The following VLDLR variants were observed in gnomAD, a reference collection of about 807,000 sequenced individuals.
The protein encoded by VLDLR is very low density lipoprotein receptor.
VLDLR carries 81 observed loss-of-function variants against 112.7 expected under a neutral mutation model. The observed-to-expected ratio is 0.72, with a 90% CI of 0.60 to 0.86. The LOEUF (loss-of-function observed/expected upper bound fraction) is 0.86, where lower values mean the gene tolerates loss of function less well. VLDLR is among the 40% of genes least tolerant of loss of function. The probability of loss-of-function intolerance (pLI) is 0.00; values close to 1 mark genes in which losing one functional copy is unlikely to be tolerated. For synonymous variants in VLDLR, 436 were observed against 384.8 expected, an observed-to-expected ratio of 1.13 and a Z score of -1.56; for missense variants, 1,237 against 1,099.4, an observed-to-expected ratio of 1.13 and a Z score of -1.77.
chr9:2,648,154 G>A (rs915917065), intron 12 of VLDLR, 54 bp from the exon 13 acceptor site: 2 of 1,608,018 alleles, frequency 1.2e-6, no homozygotes, highest in Non-Finnish European at 8.5e-7. Flanking sequence ...TATTTTTAAT[G>A]GAAGCCAGAG....
chr9:2,630,136 A>G (rs1429023751), intron 1 of VLDLR, among the ~76,000 whole-genome samples: 1 of 152,190 alleles, frequency 6.6e-6, no homozygotes, highest in Non-Finnish European at 1.5e-5. Flanking sequence ...CTTTAAGGCC[A>G]GAGCACAATC....
chr9:2,634,605 C>G (rs1817517805), intron 1 of VLDLR, among the ~76,000 whole-genome samples: 1 of 152,186 alleles, frequency 6.6e-6, no homozygotes, highest in Non-Finnish European at 1.5e-5. Flanking sequence ...AATTAAATAT[C>G]CATACATTAA....
chr9:2,657,046 A>T lies in VLDLR; in HGVS notation c.*3178A>T, dbSNP rs1818637667. 6.6e-6 allele frequency: 1 copy of T among 151,914 alleles called. No individual in the cohort carries two copies. 9.4% of individuals were successfully genotyped at this position (151,914 alleles called of 1,614,324 possible). On this transcript the variant is annotated 3_prime_UTR_variant, in exon 19 of 19. Coordinates refer to ENST00000382100, the MANE Select transcript of VLDLR (RefSeq NM_003383.5). The stretch of plus-strand genomic sequence containing the variant: ...CAAGTAGCCCTTCTCAAAAATGAGA[A>T]GCCAAGCTTTAAATAGCAAACTACA...
chr9:2,625,597 C>T (rs754148460), intron 1 of VLDLR, among the ~76,000 whole-genome samples: 55 of 152,156 alleles, frequency 3.6e-4, no homozygotes, highest in Non-Finnish European at 7.1e-4. Context: ...TAATGATGTT[C>T]GTTGTAAATG....
chr9:2,643,469 A>G lies in VLDLR; in HGVS notation c.758A>G (p.His253Arg). ...EIQCGSGECI[H>R]KKWRCDGDPD... is the part of the protein sequence containing the mutation. Reference sequence around the variant, plus strand: ...CAGTGCGGCTCTGGCGAGTGCATCCATAAGAAGTGGCGATGTGATGGGGAC... The same window carrying G: ...CAGTGCGGCTCTGGCGAGTGCATCCGTAAGAAGTGGCGATGTGATGGGGAC... Residue 253 changes from histidine to arginine, a missense_variant, in exon 5 of 19, where the codon CAT (histidine) becomes CGT (arginine). Physicochemically the swap from His to Arg is conservative, Grantham distance 29. Transcript: ENST00000382100. 3 of 1,614,202 alleles carry G rather than the reference A, an allele frequency of 1.9e-6. No homozygotes were observed. The highest frequency in any genetic ancestry group is 2.7e-5 in the African/African-American group (2 of 75,054).
At chr9:2,635,667 C>A in intron 2 of VLDLR, 95 bp downstream of exon 2, 1 of 1,574,394 alleles carries the variant, frequency 6.4e-7, no homozygotes, top group Non-Finnish European at 8.7e-7. Flanking sequence ...AAATCCACTT[C>A]TAACAATTGC....
chr9:2,643,592 G>A (rs751709227), intron 5 of VLDLR, 36 bp from the exon 6 acceptor site: 1 of 1,614,070 alleles, frequency 6.2e-7, no homozygotes, highest in East Asian at 2.2e-5. Flanking sequence ...GGGACAATTT[G>A]CTGGCTTCAT....
At chr9:2,639,799 G>A (rs1296983631) in intron 2 of VLDLR, 60 bp from the exon 3 acceptor site, 2 of 1,612,998 alleles carry the variant, frequency 1.2e-6, no homozygotes, top group Admixed American at 1.7e-5. Flanking sequence ...GAGCCCTCAT[G>A]TGAAGCTAGG....
At chr9:2,629,248 C>T (rs1004909021) in intron 1 of VLDLR, among the ~76,000 whole-genome samples, 1 of 152,318 alleles carries the variant, frequency 6.6e-6, no homozygotes, top group African/African-American at 2.4e-5. Context: ...CAGAAGCTAA[C>T]GATTTTCAAG....
intron 14 of VLDLR, among the ~76,000 whole-genome samples, chr9:2,649,107 C>T (rs1158159469): frequency 6.6e-6 from 1 of 152,168 alleles, no homozygotes; most frequent in African/African-American, 2.4e-5. Flanking sequence ...ATTGCAGTAG[C>T]CTCCAAAGTA....
chr9:2,628,450 C>G (rs182675841), intron 1 of VLDLR, among the ~76,000 whole-genome samples: 150 of 152,248 alleles, frequency 9.9e-4, no homozygotes, highest in African/African-American at 3.5e-3. Flanking sequence ...GCCCGTATAG[C>G]AGATGGTGGG....
chr9:2,623,204 G>T (rs1029929942), intron 1 of VLDLR, among the ~76,000 whole-genome samples: 1 of 152,202 alleles, frequency 6.6e-6, no homozygotes, highest in African/African-American at 2.4e-5. Context: ...CTACTGTCGG[G>T]TCCCCAGACT....
At chr9:2,641,588 G>T (rs758162533) in intron 4 of VLDLR, 89 bp downstream of exon 4, 3 of 1,587,808 alleles carry the variant, frequency 1.9e-6, no homozygotes, top group Non-Finnish European at 2.6e-6. Context: ...GCCTGAAGAC[G>T]CACTGACATT....
In VLDLR at chr9:2,655,437, G is replaced by C. The variant is rs959620240; in HGVS notation, c.*1569G>C. 3.3e-5 allele frequency: 5 copies of C among 152,186 alleles called. No individual in the cohort carries two copies. Among genetic ancestry groups the C allele is most frequent in the Non-Finnish European group, 4.4e-5 (3 of 68,038 alleles). The allele number at this position is 152,186 out of a possible 1,614,324, so 9.4% of individuals were successfully genotyped here. ...CAAGTGAGGTGGAGAGTTGGCTGTGGAAGGTACAGCAATTCCTCTGGAATT... is the reference window on the plus strand; with the variant it reads ...CAAGTGAGGTGGAGAGTTGGCTGTGCAAGGTACAGCAATTCCTCTGGAATT... On this transcript the variant is annotated 3_prime_UTR_variant, in exon 19 of 19. Transcript: ENST00000382100.
At position 2,643,147 on chromosome 9, in the gene VLDLR, T is replaced by G; in HGVS notation, c.449-13T>G. On this transcript the variant is annotated splice_polypyrimidine_tract_variant and intron_variant, in intron 4 of 18. Transcript: ENST00000382100. ...TTGATGCATTTTCAGTGGGGCATCC[T>G]CTCTCTTAATAGGCAATATAACATG... is the stretch of plus-strand genomic sequence containing the variant. The G allele has an allele frequency of 6.2e-7, 1 of 1,607,570 alleles. No homozygotes were observed. Among genetic ancestry groups the G allele is most frequent in the South Asian group, 1.1e-5 (1 of 91,024 alleles).
chr9:2,653,070 C>T, intron 18 of VLDLR, 121 bp downstream of exon 18: 1 of 1,296,370 alleles, frequency 7.7e-7, no homozygotes, highest in Non-Finnish European at 1.1e-6. Context: ...CATCTGCTAC[C>T]TGGCTATTAG....
At chr9:2,648,372 G>A (rs774456372) in intron 13 of VLDLR, 25 bp downstream of exon 13, 4 of 1,613,798 alleles carry the variant, frequency 2.5e-6, no homozygotes, top group Admixed American at 1.7e-5. Flanking sequence ...ACATCAAAGT[G>A]TGTACCTTTG....
intron 18 of VLDLR, 138 bp downstream of exon 18, chr9:2,653,087 A>G: frequency 8.9e-7 from 1 of 1,124,570 alleles, no homozygotes; most frequent in South Asian, 1.3e-5. Flanking sequence ...TTAGACAGAC[A>G]GTATAGCCTG....
rs1818621236 is a variant in VLDLR at position 2,656,659 on chromosome 9, G to C, written c.*2791G>C. ...ATGAAGCTTATCATACACTAAAGGA[G>C]AATATTTGGAGTTAGATGAGCCTGT... is the stretch of plus-strand genomic sequence containing the variant. On this transcript the variant is annotated 3_prime_UTR_variant, in exon 19 of 19. Transcript: ENST00000382100. 6.6e-6 allele frequency: 1 copy of C among 152,016 alleles called. No homozygotes were observed. The highest frequency in any genetic ancestry group is 1.5e-5 in the Non-Finnish European group (1 of 68,012). The allele number at this position is 152,016 out of a possible 1,614,324, so 9.4% of individuals were successfully genotyped here.
Sources: gnomAD v4.1 joint callset for allele counts (sites outside exome capture counted in the v4.1 genomes callset) on GRCh38, gnomAD v4.1.1 for gene constraint, MANE v1.5 for transcripts, NCBI Gene and HGNC (gene_info 2026-07-23, HGNC 2026-07-21) for gene names.